The following NTN5 variants were observed in gnomAD, a reference collection of about 807,000 sequenced individuals.
The protein encoded by NTN5 is netrin 5.
Under a neutral mutation model 38.7 loss-of-function variants are expected in NTN5, and 42 were observed. The ratio of observed to expected loss-of-function variants is 1.08; its 90% CI spans 0.85 to 1.40. NTN5 has a LOEUF of 1.40. NTN5 is among the 40% of genes most tolerant of loss of function. The pLI is 0.00. For missense variants in NTN5, 658 were observed against 716.5 expected, an observed-to-expected ratio of 0.92 and a Z score of 0.93; for synonymous variants, 329 against 303.9, an observed-to-expected ratio of 1.08 and a Z score of -0.86.
chr19:48,667,944 A>G (rs2147741076), intron 2 of NTN5, among the ~76,000 whole-genome samples: 1 of 151,946 alleles, frequency 6.6e-6, no homozygotes, highest in East Asian at 1.9e-4. Flanking sequence ...ACACGTGTGT[A>G]TATGTCTGTG....
Position 48,661,909 on chromosome 19 carries a change from CG to C in NTN5, c.1237del (p.Arg413AlafsTer4). The C allele has an allele frequency of 7.4e-7, 1 of 1,359,872 alleles. No individual in the cohort carries two copies. The highest frequency in any genetic ancestry group is 1.5e-5 in the South Asian group (1 of 65,980). 84.2% of individuals were successfully genotyped at this position (1,359,872 alleles called of 1,614,324 possible). A position where few individuals can be genotyped will look rare whatever the true frequency, so the allele number is the denominator to read the frequency against. ...RRGDQDAWVPRADLTCGCLRL... is the reference protein window; with the variant it reads ...RRGDQDAWVPXADLTCGCLRL... Reference sequence around the variant, plus strand: ...CAGGCAGCCGCAGGTCAGGTCGGCGCGGGGCACCCAGGCGTCCTGGTCGCCG... The same window carrying C: ...CAGGCAGCCGCAGGTCAGGTCGGCGCGGGCACCCAGGCGTCCTGGTCGCCG... On this transcript the variant is annotated frameshift_variant, in exon 7 of 7. Coordinates refer to ENST00000270235, the MANE Select transcript of NTN5 (RefSeq NM_145807.4). LOFTEE classifies it low-confidence loss of function (END_TRUNC).
At chr19:48,664,468 G>T in intron 3 of NTN5, 111 bp downstream of exon 3, 1 of 909,048 alleles carries the variant, frequency 1.1e-6, no homozygotes, top group Non-Finnish European at 1.5e-6. Flanking sequence ...CAGGCCCCCA[G>T]CCCCTCCTCC....
intron 4 of NTN5, 65 bp from the exon 5 acceptor site, chr19:48,663,879 C>T (rs777494721): frequency 4.0e-6 from 6 of 1,514,342 alleles, no homozygotes; most frequent in African/African-American, 2.7e-5. Context: ...GCCCCTGCCC[C>T]GGGAATCCAG....
At chr19:48,671,817 C>G (rs572808407) in intron 1 of NTN5, among the ~76,000 whole-genome samples, 1 of 139,686 alleles carries the variant, frequency 7.2e-6, no homozygotes, top group Non-Finnish European at 1.6e-5. Flanking sequence ...CCCTGCCACC[C>G]GCCCACCCAC....
Position 48,669,312 on chromosome 19 carries a change from TCACCACCACCATCACCACCAC to T in NTN5, c.631+1023_631+1043del. On this transcript the variant is annotated intron_variant, in intron 2 of 6. Transcript: ENST00000270235. ...ACCACCACCATCACCACCACCACCA[TCACCACCACCATCACCACCAC>T]CACCATCACCACCACCACCATCACC... Among the ~76,000 whole-genome samples, 9 of 12,092 alleles carry T rather than the reference TCACCACCACCATCACCACCAC, an allele frequency of 7.4e-4. 1 individual carries two copies. The highest frequency in any genetic ancestry group is 1.4e-3 in the Non-Finnish European group (8 of 5,690). The allele number at this position is 12,092 out of a possible 152,430, so 7.9% of individuals were successfully genotyped here.
At position 48,661,664 on chromosome 19, in the gene NTN5, C is replaced by T; in HGVS notation, c.*13G>A. The T allele has an allele frequency of 6.5e-7, 1 of 1,529,312 alleles. No homozygotes were observed. The highest frequency in any genetic ancestry group is 8.7e-7 in the Non-Finnish European group (1 of 1,149,172). The allele number at this position is 1,529,312 out of a possible 1,614,324, so 94.7% of individuals were successfully genotyped here. A position where few individuals can be genotyped will look rare whatever the true frequency, so the allele number is the denominator to read the frequency against. On this transcript the variant is annotated 3_prime_UTR_variant, in exon 7 of 7. Coordinates refer to ENST00000270235, the MANE Select transcript of NTN5 (RefSeq NM_145807.4). ...ATTACTTTGTTGGTGCTCGAGGCAG[C>T]CCCATCTCACGTCTAGTGCTCCGGC...
chr19:48,669,652 CCAA>C (rs2031857663), intron 2 of NTN5, among the ~76,000 whole-genome samples: 4 of 85,836 alleles, frequency 4.7e-5, no homozygotes, highest in Admixed American at 4.3e-4. Flanking sequence ...ATCACCACCA[CCAA>C]CACCACCACC....
At chr19:48,663,254 G>A in intron 6 of NTN5, 1 of 678,854 alleles carries the variant, frequency 1.5e-6, no homozygotes, top group Non-Finnish European at 2.7e-6. Flanking sequence ...TGGGGAAAGA[G>A]GAGACACAGG....
chr19:48,663,377 A>G, intron 6 of NTN5, 86 bp downstream of exon 6: 1 of 1,154,784 alleles, frequency 8.7e-7, no homozygotes, highest in Non-Finnish European at 1.3e-6. Context: ...AAGATGAGAA[A>G]GTGGAAGGCC....
At chr19:48,668,571 C>T (rs1375499321) in intron 2 of NTN5, among the ~76,000 whole-genome samples, 1 of 152,112 alleles carries the variant, frequency 6.6e-6, no homozygotes, top group Non-Finnish European at 1.5e-5. Context: ...TTGTCTGCCA[C>T]GTGGTGTGAC....
intron 2 of NTN5, among the ~76,000 whole-genome samples, chr19:48,668,434 A>C (rs1431611149): frequency 6.6e-6 from 1 of 152,174 alleles, no homozygotes; most frequent in Admixed American, 6.5e-5. Context: ...ATGGTGGAGG[A>C]AACTGGGGCA....
At chr19:48,662,138 G>A (rs1415707018) in intron 6 of NTN5, 97 bp from the exon 7 acceptor site, 9 of 1,230,978 alleles carry the variant, frequency 7.3e-6, no homozygotes, top group Admixed American at 4.4e-5. Flanking sequence ...GCCCGAGACC[G>A]GTGGGTGGGC....
chr19:48,661,944 G>A lies in NTN5; in HGVS notation c.1203C>T (p.Pro401=). The A allele has an allele frequency of 3.6e-6, 5 of 1,392,374 alleles. No individual in the cohort carries two copies. The highest frequency in any genetic ancestry group is 1.5e-5 in the South Asian group (1 of 68,678). The allele number at this position is 1,392,374 out of a possible 1,614,324, so 86.3% of individuals were successfully genotyped here. A position where few individuals can be genotyped will look rare whatever the true frequency, so the allele number is the denominator to read the frequency against. Reference sequence around the variant, plus strand: ...AGGCGTCCTGGTCGCCGCGTCGCACGGGCTGCGCCCGCTGCTTGTAAACGG... The same window carrying A: ...AGGCGTCCTGGTCGCCGCGTCGCACAGGCTGCGCCCGCTGCTTGTAAACGG... The part of the protein sequence containing the change: ...VLAVYKQRAQ[P]VRRGDQDAWV... The change falls in exon 7 of 7, where the codon CCC becomes CCT. Residue 401 remains proline (P), a synonymous_variant. Transcript: ENST00000270235.
At chr19:48,669,510 T>C (rs199722754) in intron 2 of NTN5, among the ~76,000 whole-genome samples, 95 of 3,008 alleles carry the variant, frequency 0.032, 3 homozygotes, top group African/African-American at 0.045. Context: ...ACCACGACCA[T>C]CATCACCACC....
At position 48,670,858 on chromosome 19, in the gene NTN5, G is replaced by A. The variant is rs149925970; in HGVS notation, c.129C>T (p.Cys43=). 5.0e-6 allele frequency: 8 copies of A among 1,611,532 alleles called. No homozygotes were observed. The African/African-American group carries it at 1.1e-4, about 22-fold the overall frequency. ...VTQLAAVAAS[C]PQACALSPGN... is the part of the protein sequence containing the mutation. ...CTGGGGACAGGGCACAGGCCTGAGG[G>A]CAGGAGGCCGCCACGGCAGCCAGCT... The change falls in exon 2 of 7, where the codon TGC becomes TGT. Residue 43 remains cysteine (C), a synonymous_variant. Transcript: ENST00000270235.
chr19:48,670,732 TG>T lies in NTN5; in HGVS notation c.254del (p.Pro85GlnfsTer31), dbSNP rs764680099. 2 of 1,612,816 alleles carry T rather than the reference TG, an allele frequency of 1.2e-6. No individual in the cohort carries two copies. Among genetic ancestry groups the T allele is most frequent in the Admixed American group, 3.3e-5 (2 of 59,976 alleles). On this transcript the variant is annotated frameshift_variant, in exon 2 of 7. Transcript: ENST00000270235. LOFTEE classifies it high-confidence loss of function. ...LTSVSLRFCTPGPPALILSAA... is the reference protein window; with the variant it reads ...LTSVSLRFCTXGPPALILSAA... ...CAGACAGGATGAGGGCTGGGGGTCC[TG>T]GGGTACAGAAGCGCAAGCTGACAGA...
intron 2 of NTN5, among the ~76,000 whole-genome samples, chr19:48,668,971 CCAT>C: frequency 1.3e-5 from 2 of 148,292 alleles, no homozygotes; most frequent in Middle Eastern, 7.0e-3. Context: ...ACTATCACCA[CCAT>C]CATCACCACT....
chr19:48,665,611 A>G (rs566638219), intron 2 of NTN5, among the ~76,000 whole-genome samples: 1 of 152,254 alleles, frequency 6.6e-6, no homozygotes, highest in South Asian at 2.1e-4. Flanking sequence ...ACCTGAGGTT[A>G]GGAGTTCAAA....
At chr19:48,669,632 A>ATCATCACCATCACCACCACCAACACCACC (rs1568452330) in intron 2 of NTN5, among the ~76,000 whole-genome samples, 1 of 36,740 alleles carries the variant, frequency 2.7e-5, no homozygotes, top group Non-Finnish European at 4.7e-5. Context: ...CACCACCACC[A>ATCATCACCATCACCACCACCAACACCACC]GTCATCACCA....
Sources: gnomAD v4.1 joint callset for allele counts (sites outside exome capture counted in the v4.1 genomes callset) on GRCh38, gnomAD v4.1.1 for gene constraint, MANE v1.5 for transcripts, NCBI Gene and HGNC (gene_info 2026-07-23, HGNC 2026-07-21) for gene names.